The following RIPOR3 variants were observed in gnomAD, a reference collection of about 807,000 sequenced individuals.
The protein encoded by RIPOR3 is family with sequence similarity 65 member C.
Under a neutral mutation model 114.3 loss-of-function variants are expected in RIPOR3, and 95 were observed. The observed-to-expected ratio is 0.83, with a 90% CI of 0.70 to 0.99. The LOEUF is 0.99. Among genes scored for constraint, RIPOR3 ranks in the 50% least tolerant of loss-of-function variants. The probability of loss-of-function intolerance (pLI) is 0.00; values close to 1 mark genes in which losing one functional copy is unlikely to be tolerated. For synonymous variants in RIPOR3, 575 were observed against 543.8 expected (o/e 1.06, Z -0.80); for missense variants, 1,252 against 1,266.9 (o/e 0.99, Z 0.18).
chr20:50,609,404 C>G lies in RIPOR3; in HGVS notation c.577-48G>C, dbSNP rs375915151. The G allele has an allele frequency of 3.1e-5, 49 of 1,598,960 alleles. No individual in the cohort carries two copies. The African/African-American group carries it at 6.1e-4, about 20-fold the overall frequency. On this transcript the variant is annotated intron_variant, in intron 7 of 21. Transcript: ENST00000327979. ...CAGCTGGCTGCCTGGGGCTAGGCCA[C>G]GAGGGCCTCTAACCATCCCTGCAGC...
At chr20:50,647,146 C>A (rs1017479825) in intron 1 of RIPOR3, among the ~76,000 whole-genome samples, 4 of 152,088 alleles carry the variant, frequency 2.6e-5, no homozygotes, top group Admixed American at 6.6e-5. Context: ...ATGGCAAAAC[C>A]CTGTCTCTAT....
At chr20:50,669,603 T>C (rs1263748031) in intron 1 of RIPOR3, among the ~76,000 whole-genome samples, 1 of 152,060 alleles carries the variant, frequency 6.6e-6, no homozygotes, top group African/African-American at 2.4e-5. Context: ...TCTGGGGGCT[T>C]GGGAGGAAAG....
At chr20:50,671,785 GGGAT>G (rs538319586) in intron 1 of RIPOR3, among the ~76,000 whole-genome samples, 10 of 151,886 alleles carry the variant, frequency 6.6e-5, no homozygotes, top group Admixed American at 1.3e-4. Context: ...GGTGGGCGAA[GGGAT>G]GGATGGATGG....
In RIPOR3 at chr20:50,630,838, T is replaced by C; in HGVS notation, c.22A>G (p.Arg8Gly). ...TCCCCAGGGGACAGGAACCGCAACCTCACCGACATGGTGGTCACCTGCAAG... is the reference window on the plus strand; with the variant it reads ...TCCCCAGGGGACAGGAACCGCAACCCCACCGACATGGTGGTCACCTGCAAG... Reference protein sequence around the residue: MVTTMSVRLRFLSPGDTG... With the variant: MVTTMSVGLRFLSPGDTG... Residue 8 changes from arginine to glycine, a missense_variant, in exon 2 of 22, where the codon AGG becomes GGG. Coordinates refer to ENST00000327979, the MANE Select transcript of RIPOR3 (RefSeq NM_001290268.2). 1 of 1,605,324 alleles carries C rather than the reference T, an allele frequency of 6.2e-7. No homozygotes were observed. The highest frequency in any genetic ancestry group is 2.3e-5 in the East Asian group (1 of 44,378).
Position 50,621,766 on chromosome 20 carries a change from C to T in RIPOR3, c.123-1634G>A, listed in dbSNP as rs111335898. 5.9e-3 allele frequency among the ~76,000 whole-genome samples: 893 copies of T among 152,274 alleles called. 10 individuals carry two copies. Among genetic ancestry groups the T allele is most frequent in the African/African-American group, 0.019 (795 of 41,554 alleles). On this transcript the variant is annotated intron_variant, in intron 2 of 21. Coordinates refer to ENST00000327979, the MANE Select transcript of RIPOR3 (RefSeq NM_001290268.2). Reference sequence around the variant, plus strand: ...AGCTATGTCTAAAGCTGAACCTGCCCGTGGACTTTGCAGTTACATGAGCCA... The same window carrying T: ...AGCTATGTCTAAAGCTGAACCTGCCTGTGGACTTTGCAGTTACATGAGCCA...
At chr20:50,689,523 T>G (rs946956906) in intron 1 of RIPOR3, among the ~76,000 whole-genome samples, 2 of 152,168 alleles carry the variant, frequency 1.3e-5, no homozygotes, top group Non-Finnish European at 2.9e-5. Context: ...CTCAGACGCT[T>G]AAGTTCTCAG....
rs116148733 is a variant in RIPOR3 at position 50,598,578 on chromosome 20, A to G, written c.1660-868T>C. 6.6e-3 allele frequency among the ~76,000 whole-genome samples: 1,000 copies of G among 152,338 alleles called. 8 individuals carry two copies. Among genetic ancestry groups the G allele is most frequent in the African/African-American group, 0.023 (956 of 41,566 alleles). ...AGATCACATTTTCCAATACAAAAAT[A>G]TAGGCATACATGTGTATGTAAGTGT... On this transcript the variant is annotated intron_variant, in intron 13 of 21. Transcript: ENST00000327979.
intron 17 of RIPOR3, among the ~76,000 whole-genome samples, chr20:50,593,861 C>T (rs371168318): frequency 1.3e-4 from 20 of 152,216 alleles, no homozygotes; most frequent in Middle Eastern, 3.4e-3. Context: ...TGGGGAAGAA[C>T]GCAGTCCAGC....
chr20:50,593,236 T>A (rs1170547318), intron 17 of RIPOR3, 40 bp from the exon 18 acceptor site: 1 of 1,593,684 alleles, frequency 6.3e-7, no homozygotes, highest in Non-Finnish European at 8.5e-7. Flanking sequence ...AACTGAGACC[T>A]CGACCCTCCA....
At chr20:50,645,304 T>C (rs58645743) in intron 1 of RIPOR3, among the ~76,000 whole-genome samples, 6,015 of 152,154 alleles carry the variant, frequency 0.04, 417 homozygotes, top group African/African-American at 0.14. Flanking sequence ...TTCCTATCCC[T>C]CAAAAATAAA....
At chr20:50,594,772 C>A in intron 16 of RIPOR3, 58 bp from the exon 17 acceptor site, 1 of 1,559,366 alleles carries the variant, frequency 6.4e-7, no homozygotes, top group Middle Eastern at 1.8e-4. Context: ...ATGACAAGGA[C>A]CCGAAAGGTT....
chr20:50,589,630 C>A lies in RIPOR3; in HGVS notation c.2661+56G>T, dbSNP rs1226350067. On this transcript the variant is annotated intron_variant, in intron 20 of 21. Transcript: ENST00000327979. ...TCATTTTGAAGTTAACTAACCTTAACCCTAACCACAAGCAGGCTTTTCTAT... is the reference window on the plus strand; with the variant it reads ...TCATTTTGAAGTTAACTAACCTTAAACCTAACCACAAGCAGGCTTTTCTAT... 1.9e-6 allele frequency: 3 copies of A among 1,566,362 alleles called. No individual in the cohort carries two copies. The South Asian group carries it at 3.4e-5, about 18-fold the overall frequency.
At chr20:50,615,548 A>G (rs2084143600) in intron 4 of RIPOR3, among the ~76,000 whole-genome samples, 1 of 148,814 alleles carries the variant, frequency 6.7e-6, no homozygotes, top group African/African-American at 2.5e-5. Flanking sequence ...AAAAAAAAAG[A>G]CACTGCCCTG....
intron 1 of RIPOR3, among the ~76,000 whole-genome samples, chr20:50,667,165 T>TA (rs2086276138): frequency 6.6e-6 from 1 of 152,030 alleles, no homozygotes; most frequent in Non-Finnish European, 1.5e-5. Context: ...CCGGCAAAGT[T>TA]AAAATTCCCC....
At chr20:50,676,816 C>CTGGTTTCAAACTCAGGG (rs1475890329) in intron 1 of RIPOR3, among the ~76,000 whole-genome samples, 2 of 143,782 alleles carry the variant, frequency 1.4e-5, no homozygotes, top group East Asian at 4.0e-4. Context: ...TATACCCAGG[C>CTGGTTTCAAACTCAGGG]TGGTTTCAAA....
chr20:50,594,079 G>A (rs1008817621), intron 17 of RIPOR3, among the ~76,000 whole-genome samples: 5 of 151,878 alleles, frequency 3.3e-5, no homozygotes, highest in Admixed American at 2.0e-4. Context: ...GACCAGCCTG[G>A]CCAATATGGC....
intron 1 of RIPOR3, among the ~76,000 whole-genome samples, chr20:50,658,887 T>C (rs2085903324): frequency 6.6e-6 from 1 of 152,140 alleles, no homozygotes; most frequent in Non-Finnish European, 1.5e-5. Flanking sequence ...CAAGGCTACG[T>C]TATCCTGCAA....
intron 1 of RIPOR3, among the ~76,000 whole-genome samples, chr20:50,638,254 C>T (rs978448102): frequency 2.0e-5 from 3 of 152,204 alleles, no homozygotes; most frequent in Non-Finnish European, 4.4e-5. Context: ...ACAAGCAGCT[C>T]CTTGGGAAGC....
intron 1 of RIPOR3, among the ~76,000 whole-genome samples, chr20:50,666,193 T>TTTTTCTTTTTCCTTTCCTTTCCTTTCC (rs1568944529): frequency 3.6e-5 from 1 of 28,112 alleles, no homozygotes; most frequent in African/African-American, 6.9e-5. Flanking sequence ...ATTTCTTTTC[T>TTTTTCTTTTTCCTTTCCTTTCCTTTCC]TTTCTTTTCT....
Sources: allele counts gnomAD v4.1 joint callset (sites outside exome capture counted in the v4.1 genomes callset), GRCh38; gene constraint gnomAD v4.1.1; transcripts MANE v1.5; gene names NCBI Gene and HGNC (gene_info 2026-07-23, HGNC 2026-07-21).